Variants in CCDC18 observed in about 807,000 individuals in gnomAD.
The protein encoded by CCDC18 is coiled-coil domain containing 18.
In CCDC18, 157 loss-of-function variants were observed where a neutral mutation model predicts 196.0. The ratio of observed to expected loss-of-function variants is 0.80; its 90% CI spans 0.70 to 0.91. The LOEUF is 0.91. Ranked by LOEUF, CCDC18 falls within the 40% of genes least tolerant of loss-of-function variation. The pLI, the probability that CCDC18 is intolerant of heterozygous loss-of-function variation, is 0.00. For synonymous variants in CCDC18, 482 were observed against 529.2 expected, an observed-to-expected ratio of 0.91 and a Z score of 1.22; for missense variants, 1,465 against 1,611.6, an observed-to-expected ratio of 0.91 and a Z score of 1.56.
Position 93,278,586 on chromosome 1 carries a change from A to C in CCDC18, c.*109A>C. 1 of 488,492 alleles carries C rather than the reference A, an allele frequency of 2.0e-6. No individual in the cohort carries two copies. Among genetic ancestry groups the C allele is most frequent in the Admixed American group, 3.3e-5 (1 of 30,558 alleles). The allele number at this position is 488,492 out of a possible 1,614,324, so 30.3% of individuals were successfully genotyped here. On this transcript the variant is annotated 3_prime_UTR_variant, in exon 29 of 29. Coordinates refer to ENST00000690025, the MANE Select transcript of CCDC18 (RefSeq NM_001378204.1). ...GAAGCTGTTATTTTGCTTTTGAATAAATTTTATATTTCAATATTTTAAAAG... is the reference window on the plus strand; with the variant it reads ...GAAGCTGTTATTTTGCTTTTGAATACATTTTATATTTCAATATTTTAAAAG...
chr1:93,212,431 C>T (rs1387880900), intron 11 of CCDC18, among the ~76,000 whole-genome samples, 170 bp downstream of exon 11: 3 of 151,770 alleles, frequency 2.0e-5, no homozygotes, highest in Admixed American at 2.0e-4. Context: ...CAGATTATTT[C>T]ATCACCCAGG....
chr1:93,258,886 G>A lies in CCDC18; in HGVS notation c.3684+1G>A. 3 of 1,581,382 alleles carry A rather than the reference G, an allele frequency of 1.9e-6. No homozygotes were observed. Among genetic ancestry groups the A allele is most frequent in the Non-Finnish European group, 2.6e-6 (3 of 1,167,578 alleles). On this transcript the variant is annotated splice_donor_variant, in intron 26 of 28. Coordinates refer to ENST00000690025, the MANE Select transcript of CCDC18 (RefSeq NM_001378204.1). LOFTEE classifies it high-confidence loss of function. ...TCTCAAAGAAGCTTATCATATGGAG[G>A]TAAAGAAAAATTTAATTTGTTTTGT...
intron 16 of CCDC18, among the ~76,000 whole-genome samples, chr1:93,225,478 A>G (rs1658119313): frequency 6.6e-6 from 1 of 152,194 alleles, no homozygotes; most frequent in Non-Finnish European, 1.5e-5. Context: ...TCAGCATTTC[A>G]AAATATTCTC....
chr1:93,229,510 T>C (rs1658919042), intron 17 of CCDC18, among the ~76,000 whole-genome samples: 1 of 152,228 alleles, frequency 6.6e-6, no homozygotes, highest in Admixed American at 6.5e-5. Flanking sequence ...TAATAGGTGA[T>C]ATTATAAAGA....
chr1:93,191,282 G>C (rs1382726908), intron 4 of CCDC18, among the ~76,000 whole-genome samples: 1 of 152,084 alleles, frequency 6.6e-6, no homozygotes, highest in Non-Finnish European at 1.5e-5. Flanking sequence ...CTTCTGTTCA[G>C]TTTCTTCTGA....
intron 17 of CCDC18, among the ~76,000 whole-genome samples, chr1:93,230,596 ATAAC>A (rs1253249508): frequency 6.6e-6 from 1 of 152,218 alleles, no homozygotes; most frequent in Non-Finnish European, 1.5e-5. Flanking sequence ...AATATTTGTG[ATAAC>A]TAATTTTAGC....
At chr1:93,225,733 C>T (rs1045222455) in intron 16 of CCDC18, among the ~76,000 whole-genome samples, 2 of 150,912 alleles carry the variant, frequency 1.3e-5, no homozygotes, top group African/African-American at 2.4e-5. Flanking sequence ...CCCGAGATCG[C>T]ACCACTGCAC....
rs1441296111 is a variant in CCDC18, at chr1:93,229,311, TGGA to T, written c.2292+2864_2292+2866del. Among the ~76,000 whole-genome samples, 5 of 152,338 alleles carry T rather than the reference TGGA, an allele frequency of 3.3e-5. No individual in the cohort carries two copies. In the East Asian group the frequency reaches 7.7e-4, roughly 23 times the overall value. On this transcript the variant is annotated intron_variant, in intron 17 of 28. Transcript: ENST00000690025. ...TGTTCATGTGTATTGATAAAAAACG[TGGA>T]GAAGAATCCAAGTACTAACTGTTGA... is the stretch of plus-strand genomic sequence containing the variant.
intron 4 of CCDC18, chr1:93,190,704 A>T: frequency 1.0e-5 from 4 of 394,172 alleles, no homozygotes; most frequent in Admixed American, 4.0e-5. Context: ...TAAACTCAAG[A>T]TTTTATTGTC....
chr1:93,266,756 T>A (rs1413053753), intron 27 of CCDC18, among the ~76,000 whole-genome samples: 3 of 152,100 alleles, frequency 2.0e-5, no homozygotes, highest in Non-Finnish European at 4.4e-5. Flanking sequence ...AGAAGTTGAA[T>A]CCCTGAGTAG....
Position 93,270,988 on chromosome 1 carries a change from T to C in CCDC18, c.4353+174T>C, listed in dbSNP as rs182930958. 20 of 983,076 alleles carry C rather than the reference T, an allele frequency of 2.0e-5. No homozygotes were observed. In the East Asian group the frequency reaches 2.2e-3, roughly 106 times the overall value. The allele number at this position is 983,076 out of a possible 1,614,324, so 60.9% of individuals were successfully genotyped here. Reference sequence around the variant, plus strand: ...ACCAAAAGACATTTTCTCTATTGCATGGTGTGAGACAATACGGGGAAAGAG... The same window carrying C: ...ACCAAAAGACATTTTCTCTATTGCACGGTGTGAGACAATACGGGGAAAGAG... On this transcript the variant is annotated intron_variant, in intron 28 of 28. Coordinates refer to ENST00000690025, the MANE Select transcript of CCDC18 (RefSeq NM_001378204.1).
At chr1:93,273,383 C>G (rs147852973) in intron 28 of CCDC18, 1,689 of 152,156 alleles carry the variant, frequency 0.011, 23 homozygotes, top group Middle Eastern at 0.024. Context: ...CTTTTATTTT[C>G]TTAGTGAGAT....
At chr1:93,274,269 G>A (rs1051753310) in intron 28 of CCDC18, among the ~76,000 whole-genome samples, 10 of 152,068 alleles carry the variant, frequency 6.6e-5, no homozygotes, top group African/African-American at 2.4e-4. Context: ...TGGGCATGGT[G>A]GTGCGCACCT....
Position 93,253,791 on chromosome 1 carries a change from C to T in CCDC18, c.3199-680C>T, listed in dbSNP as rs140856483. Among the ~76,000 whole-genome samples the T allele has an allele frequency of 2.1e-3, 314 of 152,256 alleles. 2 individuals carry two copies. The highest frequency in any genetic ancestry group is 7.1e-3 in the African/African-American group (293 of 41,558). Reference sequence around the variant, plus strand: ...GGGCTGTAGCCAAGTCCCTTGGGGACGTGGGCTGTTTCCAGGCTTGAACCC... The same window carrying T: ...GGGCTGTAGCCAAGTCCCTTGGGGATGTGGGCTGTTTCCAGGCTTGAACCC... On this transcript the variant is annotated intron_variant, in intron 23 of 28. Coordinates refer to ENST00000690025, the MANE Select transcript of CCDC18 (RefSeq NM_001378204.1).
intron 9 of CCDC18, among the ~76,000 whole-genome samples, chr1:93,210,042 G>A (rs914802683): frequency 3.9e-5 from 6 of 152,272 alleles, no homozygotes; most frequent in Non-Finnish European, 8.8e-5. Flanking sequence ...GGGTGACAGA[G>A]TGAGACCCTG....
chr1:93,270,998 C>T (rs2296558), intron 28 of CCDC18, 184 bp downstream of exon 28: 397,595 of 980,776 alleles, frequency 0.41, 87,711 homozygotes, highest in African/African-American at 0.86. Context: ...TGGTGTGAGA[C>T]AATACGGGGA....
At chr1:93,197,423 T>C (rs1652909361) in intron 6 of CCDC18, among the ~76,000 whole-genome samples, 1 of 152,126 alleles carries the variant, frequency 6.6e-6, no homozygotes, top group Non-Finnish European at 1.5e-5. Context: ...AGATGATACA[T>C]TTGAAAACTT....
intron 27 of CCDC18, 80 bp downstream of exon 27, chr1:93,264,981 T>C (rs1422830047): frequency 2.1e-6 from 2 of 970,050 alleles, no homozygotes; most frequent in Non-Finnish European, 3.2e-6. Flanking sequence ...TAGTAGTTTA[T>C]AGAGGACTAT....
intron 1 of CCDC18, among the ~76,000 whole-genome samples, chr1:93,182,939 C>A (rs567389663): frequency 1.3e-5 from 2 of 152,060 alleles, no homozygotes; most frequent in Non-Finnish European, 2.9e-5. Flanking sequence ...AGCTACAATG[C>A]GACATAATTT....
Sources: gnomAD v4.1 joint callset for allele counts (sites outside exome capture counted in the v4.1 genomes callset) on GRCh38, gnomAD v4.1.1 for gene constraint, MANE v1.5 for transcripts, NCBI Gene and HGNC (gene_info 2026-07-23, HGNC 2026-07-21) for gene names.